Variants in LAMA2 observed in about 807,000 individuals in gnomAD.
The protein encoded by LAMA2 is laminin subunit alpha-2.
In LAMA2, 269 loss-of-function variants were observed where a neutral mutation model predicts 364.8. The ratio of observed to expected loss-of-function variants is 0.74; its 90% CI spans 0.67 to 0.82. LAMA2 has a LOEUF of 0.82. Among genes scored for constraint, LAMA2 ranks in the 40% least tolerant of loss-of-function variants. The probability of loss-of-function intolerance (pLI) is 0.00; values close to 1 mark genes in which losing one functional copy is unlikely to be tolerated. For missense variants in LAMA2, 3,807 were observed against 3,873.2 expected (o/e 0.98, Z 0.45); for synonymous variants, 1,379 against 1,370.6 (o/e 1.01, Z -0.14).
chr6:129,374,522 T>C (rs7758663), intron 34 of LAMA2, among the ~76,000 whole-genome samples: 3,351 of 152,206 alleles, frequency 0.022, 125 homozygotes, highest in African/African-American at 0.077. Flanking sequence ...ATCCTGTAGT[T>C]ACCTAATAGC....
chr6:129,395,647 G>C (rs767268659), intron 37 of LAMA2, among the ~76,000 whole-genome samples: 1 of 152,166 alleles, frequency 6.6e-6, no homozygotes, highest in Non-Finnish European at 1.5e-5. Context: ...TATTTAGTGG[G>C]AGGTACACAT....
At chr6:129,321,203 T>C (rs188059887) in intron 28 of LAMA2, among the ~76,000 whole-genome samples, 104 of 152,350 alleles carry the variant, frequency 6.8e-4, no homozygotes, top group African/African-American at 2.3e-3. Flanking sequence ...CTTGCTGAGA[T>C]ATTCTCTTGT....
intron 3 of LAMA2, among the ~76,000 whole-genome samples, chr6:129,087,987 A>G (rs1304073334): frequency 2.8e-5 from 4 of 141,284 alleles, no homozygotes; most frequent in African/African-American, 1.0e-4. Context: ...AGGGAAGGTC[A>G]GCAGATAAAC....
At position 129,425,582 on chromosome 6, in the gene LAMA2, C is replaced by T. The variant is rs558275657; in HGVS notation, c.5866-2170C>T. Among the ~76,000 whole-genome samples, 169 of 152,148 alleles carry T rather than the reference C, an allele frequency of 1.1e-3. 1 individual carries two copies. The highest frequency in any genetic ancestry group is 3.1e-3 in the South Asian group (15 of 4,826). ...ATTTTTCTCTGTTTCTCTCCCTCCTCCCACTAGCTACCCTCAAGTAGGCCT... is the reference window on the plus strand; with the variant it reads ...ATTTTTCTCTGTTTCTCTCCCTCCTTCCACTAGCTACCCTCAAGTAGGCCT... On this transcript the variant is annotated intron_variant, in intron 40 of 64. Transcript: ENST00000421865.
intron 18 of LAMA2, among the ~76,000 whole-genome samples, chr6:129,283,560 G>A (rs907888785): frequency 6.6e-6 from 1 of 151,724 alleles, no homozygotes; most frequent in African/African-American, 2.4e-5. Flanking sequence ...TGAGAGAGGG[G>A]TCAAAAGCCA....
At chr6:129,352,370 C>T (rs1776899564) in intron 31 of LAMA2, among the ~76,000 whole-genome samples, 2 of 152,196 alleles carry the variant, frequency 1.3e-5, no homozygotes, top group Admixed American at 6.5e-5. Context: ...GTTGGATTCT[C>T]TTTCTACTTT....
At chr6:129,107,475 C>A (rs1408330390) in intron 4 of LAMA2, among the ~76,000 whole-genome samples, 2 of 151,936 alleles carry the variant, frequency 1.3e-5, no homozygotes, top group Admixed American at 1.3e-4. Context: ...GGCTACTGAA[C>A]AAGACTGAAG....
At chr6:129,510,596 A>T (rs1786494219) in intron 62 of LAMA2, among the ~76,000 whole-genome samples, 1 of 152,156 alleles carries the variant, frequency 6.6e-6, no homozygotes, top group Admixed American at 6.6e-5. Flanking sequence ...TCTATCAAGA[A>T]TATATTATCA....
chr6:129,360,914 A>C (rs2114608825), intron 32 of LAMA2, among the ~76,000 whole-genome samples: 1 of 152,242 alleles, frequency 6.6e-6, no homozygotes, highest in South Asian at 2.1e-4. Context: ...AACTGAGAAA[A>C]CGATAGGTAC....
rs1240666160 is a variant in LAMA2, at chr6:129,192,945, TCAAATA to T, written c.1782+95_1782+100del. The T allele has an allele frequency of 2.4e-6, 3 of 1,259,268 alleles. No individual in the cohort carries two copies. The Admixed American group carries it at 5.9e-5, about 25-fold the overall frequency. 78.0% of individuals were successfully genotyped at this position (1,259,268 alleles called of 1,614,324 possible). A position where few individuals can be genotyped will look rare whatever the true frequency, so the allele number is the denominator to read the frequency against. ...GTAATTCTTTTAAAGAAAGACAAAA[TCAAATA>T]CACACTGAATTGGATTGCCAGAACC... On this transcript the variant is annotated intron_variant, in intron 12 of 64. Coordinates refer to ENST00000421865, the MANE Select transcript of LAMA2 (RefSeq NM_000426.4).
At chr6:129,357,539 G>C (rs985880587) in intron 32 of LAMA2, among the ~76,000 whole-genome samples, 9 of 152,016 alleles carry the variant, frequency 5.9e-5, no homozygotes, top group Non-Finnish European at 1.5e-5. Context: ...CATACACTTT[G>C]CTTGCCAATT....
chr6:128,897,947 T>G (rs900621851), intron 1 of LAMA2, among the ~76,000 whole-genome samples: 1 of 152,224 alleles, frequency 6.6e-6, no homozygotes, highest in Non-Finnish European at 1.5e-5. Flanking sequence ...GAGTCCTAGA[T>G]TCACACCTTG....
chr6:129,393,846 G>A (rs990446094), intron 37 of LAMA2, among the ~76,000 whole-genome samples: 4 of 152,094 alleles, frequency 2.6e-5, no homozygotes, highest in East Asian at 1.9e-4. Flanking sequence ...AAAAATTTTG[G>A]TTCCTCTTTT....
intron 1 of LAMA2, among the ~76,000 whole-genome samples, chr6:128,911,391 C>G (rs1262964958): frequency 6.6e-6 from 1 of 152,128 alleles, no homozygotes; most frequent in East Asian, 1.9e-4. Flanking sequence ...GTGGGAGTGA[C>G]CAGATTTTCC....
chr6:129,443,485 A>G (rs1317035352), intron 44 of LAMA2, among the ~76,000 whole-genome samples: 1 of 152,200 alleles, frequency 6.6e-6, no homozygotes, highest in African/African-American at 2.4e-5. Flanking sequence ...GAATTTCTCT[A>G]TAGAATTAAC....
rs1583666666 is a variant in LAMA2 at position 129,402,423 on chromosome 6, G to A, written c.5662G>A (p.Glu1888Lys). 1 of 1,614,088 alleles carries A rather than the reference G, an allele frequency of 6.2e-7. No individual in the cohort carries two copies. The highest frequency in any genetic ancestry group is 8.5e-7 in the Non-Finnish European group (1 of 1,180,006). ...SQEIKDRKLA[E>K]KVSQAESHAA... ...AGAAATAAAGGACAGGAAGCTTGCT[G>A]AGAAGGTGTCCCAGGCTGAGAGCCA... Residue 1888 changes from glutamate (E) to lysine (K), a missense_variant, in exon 39 of 65, where the codon GAG becomes AAG. Physicochemically the swap from Glu to Lys is moderately conservative, Grantham distance 56. Around this residue, in one of 3 missense-constraint regions of LAMA2, gnomAD observed 3,333 missense variants for 3,345.7 expected, o/e 1.00. Transcript: ENST00000421865.
chr6:129,459,392 C>G (rs1490958897), intron 48 of LAMA2, among the ~76,000 whole-genome samples: 1 of 152,036 alleles, frequency 6.6e-6, no homozygotes, highest in Non-Finnish European at 1.5e-5. Context: ...GGGACCAGGT[C>G]ATTCTCTTTC....
intron 27 of LAMA2, among the ~76,000 whole-genome samples, chr6:129,316,862 G>A (rs982203850): frequency 1.8e-4 from 28 of 152,260 alleles, no homozygotes; most frequent in African/African-American, 4.6e-4. Flanking sequence ...TTAATCTCAA[G>A]CTTTTAAAGA....
At chr6:129,190,956 A>T (rs1308673691) in intron 11 of LAMA2, among the ~76,000 whole-genome samples, 2 of 152,200 alleles carry the variant, frequency 1.3e-5, no homozygotes, top group African/African-American at 4.8e-5. Flanking sequence ...CTGCCTTTTC[A>T]AATCTGTGCA....
Sources: gnomAD v4.1 joint callset for allele counts (sites outside exome capture counted in the v4.1 genomes callset) on GRCh38, gnomAD v4.1.1 for gene constraint, gnomAD v4.1.1 regional missense constraint, MANE v1.5 for transcripts, NCBI Gene and HGNC (gene_info 2026-07-23, HGNC 2026-07-21) for gene names.